The following NXPE1 variants were observed in gnomAD, a reference collection of about 807,000 sequenced individuals.
NXPE1 encodes the protein NXPE family member 1.
A neutral mutation model predicts 33.3 loss-of-function variants in NXPE1; 31 were observed. The observed-to-expected ratio is 0.93, with a 90% CI of 0.70 to 1.26. The LOEUF (loss-of-function observed/expected upper bound fraction) is 1.26, where lower values mean the gene tolerates loss of function less well. Ranked by LOEUF, NXPE1 falls within the 50% of genes most tolerant of loss-of-function variation. The pLI is 0.00. For synonymous variants in NXPE1, 229 were observed against 231.4 expected, an observed-to-expected ratio of 0.99 and a Z score of 0.09; for missense variants, 661 against 655.6, an observed-to-expected ratio of 1.01 and a Z score of -0.09.
chr11:114,555,749 T>C (rs1371135426), intron 1 of NXPE1, among the ~76,000 whole-genome samples: 1 of 152,230 alleles, frequency 6.6e-6, no homozygotes, highest in Non-Finnish European at 1.5e-5. Context: ...GATTTCTTTT[T>C]CTAGAGTTTC....
intron 5 of NXPE1, among the ~76,000 whole-genome samples, chr11:114,536,328 C>T: frequency 1.3e-5 from 2 of 152,070 alleles, no homozygotes. Context: ...CAAGAGAAAG[C>T]AGGAAAGATG....
chr11:114,541,056 A>C (rs186597406), intron 5 of NXPE1, among the ~76,000 whole-genome samples: 201 of 152,020 alleles, frequency 1.3e-3, no homozygotes, highest in African/African-American at 4.7e-3. Context: ...AGCAATCTGC[A>C]GCTAGTCAGA....
exon 2 of NXPE1, chr11:114,552,861 G>C: frequency 1.0e-6 from 1 of 976,724 alleles, no homozygotes; most frequent in Non-Finnish European, 1.2e-6. Context: ...CCCAATAGGT[G>C]TCAGGTAGCA....
chr11:114,550,427 T>C lies in NXPE1; in HGVS notation c.99+676A>G, dbSNP rs562027620. On this transcript the variant is annotated intron_variant, in intron 5 of 8. Coordinates refer to ENST00000534921, the Ensembl canonical transcript of NXPE1. ...AATCAGAAATAGACCTCATTATATA[T>C]ACAAATTTAGTATGCTACGGAGGCC... Among the ~76,000 whole-genome samples, 9 of 152,242 alleles carry C rather than the reference T, an allele frequency of 5.9e-5. No individual in the cohort carries two copies. In the East Asian group the frequency reaches 9.6e-4, roughly 16 times the overall value.
intron 5 of NXPE1, among the ~76,000 whole-genome samples, chr11:114,532,824 T>C (rs1026365998): frequency 3.9e-5 from 6 of 152,172 alleles, no homozygotes; most frequent in African/African-American, 1.2e-4. Context: ...TTCAGGGTTG[T>C]AAAAATGGTT....
intron 4 of NXPE1, 28 bp from the exon 5 acceptor site, chr11:114,551,239 C>T (rs754315616): frequency 2.3e-5 from 33 of 1,415,354 alleles, no homozygotes; most frequent in South Asian, 1.1e-4. Context: ...AGAGAGGAGT[C>T]GTGAGAAGTG....
At chr11:114,530,724 G>A (rs777901918) in exon 6 of NXPE1, 2 of 1,614,104 alleles carry the variant, frequency 1.2e-6, no homozygotes, top group East Asian at 2.2e-5. Flanking sequence ...GGCACTGGTG[G>A]TGGTGTTCAC....
In NXPE1 at chr11:114,522,451, A is replaced by T. The variant is rs769344720; in HGVS notation, c.1161T>A (p.Leu387=). The T allele has an allele frequency of 3.1e-6, 5 of 1,612,460 alleles. No homozygotes were observed. In the Admixed American group the frequency reaches 6.7e-5, roughly 22 times the overall value. ...TCTGAGTGTGTCTTTCTGCATCCAGAAGCAAATGTTTCTTAAAGATTCCAG... is the reference window on the plus strand; with the variant it reads ...TCTGAGTGTGTCTTTCTGCATCCAGTAGCAAATGTTTCTTAAAGATTCCAG... Residue 387 remains leucine, a synonymous_variant, in exon 9 of 9, where the codon CTT becomes CTA. Coordinates refer to ENST00000534921, the Ensembl canonical transcript of NXPE1.
intron 5 of NXPE1, among the ~76,000 whole-genome samples, chr11:114,542,881 A>G (rs1948149141): frequency 6.6e-6 from 1 of 152,236 alleles, no homozygotes; most frequent in African/African-American, 2.4e-5. Context: ...ATATGATTAT[A>G]ACACAAAACA....
At chr11:114,549,594 T>C (rs1367788728) in intron 5 of NXPE1, among the ~76,000 whole-genome samples, 1 of 152,004 alleles carries the variant, frequency 6.6e-6, no homozygotes, top group Non-Finnish European at 1.5e-5. Context: ...CCTCTACACA[T>C]AAAATATATA....
intron 1 of NXPE1, chr11:114,554,323 G>T (rs1251664413): frequency 2.0e-6 from 2 of 984,830 alleles, no homozygotes; most frequent in Non-Finnish European, 2.4e-6. Flanking sequence ...CCTCCTCCAG[G>T]TTCTCTTTCC....
chr11:114,543,931 T>C (rs879944242), intron 5 of NXPE1, among the ~76,000 whole-genome samples: 1 of 152,160 alleles, frequency 6.6e-6, no homozygotes, highest in African/African-American at 2.4e-5. Context: ...TTTTGCTATA[T>C]ACTAGCAATG....
chr11:114,548,760 A>G (rs1948362915), intron 5 of NXPE1, among the ~76,000 whole-genome samples: 1 of 152,000 alleles, frequency 6.6e-6, no homozygotes, highest in Non-Finnish European at 1.5e-5. Context: ...AAAGGAAAAC[A>G]GAGTAAATCA....
chr11:114,528,888 A>G, intron 6 of NXPE1: 1 of 607,102 alleles, frequency 1.6e-6, no homozygotes, highest in South Asian at 1.9e-5. Flanking sequence ...AGGCATAAGG[A>G]TGGTTGATGG....
intron 1 of NXPE1, among the ~76,000 whole-genome samples, chr11:114,553,392 A>G (rs1205719765): frequency 6.6e-6 from 1 of 152,152 alleles, no homozygotes; most frequent in African/African-American, 2.4e-5. Context: ...ACAACCAAGC[A>G]GTTCTGTGGT....
chr11:114,530,355 G>A, exon 6 of NXPE1: 4 of 1,614,226 alleles, frequency 2.5e-6, no homozygotes, highest in Non-Finnish European at 3.4e-6. Context: ...GCCACATTCA[G>A]TGAAGACATG....
chr11:114,540,252 G>A (rs968375761), intron 5 of NXPE1, among the ~76,000 whole-genome samples: 4 of 152,076 alleles, frequency 2.6e-5, no homozygotes, highest in East Asian at 3.9e-4. Flanking sequence ...CACCATGCCC[G>A]GCCAATAAAT....
At chr11:114,529,847 T>C (rs1947510676) in intron 6 of NXPE1, 1 of 255,352 alleles carries the variant, frequency 3.9e-6, no homozygotes, top group African/African-American at 2.2e-5. Context: ...CGCAAAGATA[T>C]TTAAGGGGCA....
chr11:114,532,459 C>T (rs1947619262), intron 5 of NXPE1, among the ~76,000 whole-genome samples: 1 of 151,918 alleles, frequency 6.6e-6, no homozygotes, highest in South Asian at 2.1e-4. Context: ...TAATATATAA[C>T]AGTAAGAATA....
Sources: allele counts gnomAD v4.1 joint callset (sites outside exome capture counted in the v4.1 genomes callset), GRCh38; gene constraint gnomAD v4.1.1; transcripts MANE v1.5; gene names NCBI Gene and HGNC (gene_info 2026-07-23, HGNC 2026-07-21).